Variants in MTG2 observed in about 807,000 individuals in gnomAD.
MTG2 encodes the protein mitochondrial ribosome-associated GTPase 2.
A neutral mutation model predicts 28.6 loss-of-function variants in MTG2; 23 were observed. The observed-to-expected ratio is 0.80, with a 90% CI of 0.58 to 1.14. The LOEUF (loss-of-function observed/expected upper bound fraction) is 1.14. Among genes scored for constraint, MTG2 ranks in the 50% most tolerant of loss-of-function variants. The pLI, the probability that MTG2 is intolerant of heterozygous loss-of-function variation, is 0.00. For synonymous variants in MTG2, 260 were observed against 251.8 expected (o/e 1.03, Z -0.31); for missense variants, 539 against 552.0 (o/e 0.98, Z 0.24).
chr20:62,198,955 G>A (rs1170821548), intron 5 of MTG2, 103 bp downstream of exon 5: 14 of 1,551,912 alleles, frequency 9.0e-6, no homozygotes, highest in South Asian at 2.3e-5. Flanking sequence ...ACAGCTTTGC[G>A]ACTCACCTTT....
At chr20:62,184,209 G>T (rs879899178) in intron 1 of MTG2, among the ~76,000 whole-genome samples, 11 of 152,220 alleles carry the variant, frequency 7.2e-5, no homozygotes, top group South Asian at 4.1e-4. Flanking sequence ...ATACAAAAAA[G>T]TAGCCGGGCG....
intron 4 of MTG2, 107 bp downstream of exon 4, chr20:62,198,074 C>T (rs2058092895): frequency 1.2e-6 from 1 of 839,804 alleles, no homozygotes; most frequent in South Asian, 1.5e-5. Flanking sequence ...ATGCCCACAG[C>T]TAGGAAACAG....
intron 2 of MTG2, among the ~76,000 whole-genome samples, chr20:62,194,902 G>A (rs1427823085): frequency 2.0e-5 from 3 of 152,162 alleles, no homozygotes; most frequent in Admixed American, 2.0e-4. Context: ...GTGACCTACA[G>A]AACAGCTTTC....
At chr20:62,197,667 C>T (rs1487293123) in intron 3 of MTG2, 185 bp from the exon 4 acceptor site, 2 of 576,310 alleles carry the variant, frequency 3.5e-6, no homozygotes, top group Non-Finnish European at 6.1e-6. Flanking sequence ...AATGATAGCA[C>T]TTTTTGAAGG....
At position 62,193,474 on chromosome 20, in the gene MTG2, G is replaced by C. The variant is rs750011003; in HGVS notation, c.54G>C (p.Val18=). 6.2e-7 allele frequency: 1 copy of C among 1,614,078 alleles called. No individual in the cohort carries two copies. Among genetic ancestry groups the C allele is most frequent in the South Asian group, 1.1e-5 (1 of 91,082 alleles). ...SARLRTVFQG[V]GHWALSTWAG... ...GATTGAGGACCGTGTTTCAGGGCGTGGGGCATTGGGCTTTGTCCACATGGG... is the reference window on the plus strand; with the variant it reads ...GATTGAGGACCGTGTTTCAGGGCGTCGGGCATTGGGCTTTGTCCACATGGG... The change falls in exon 2 of 7, where the codon GTG becomes GTC. Residue 18 remains valine, a synonymous_variant. Transcript: ENST00000370823.
chr20:62,195,956 G>T lies in MTG2; in HGVS notation c.352+7G>T. 1 of 1,613,804 alleles carries T rather than the reference G, an allele frequency of 6.2e-7. No homozygotes were observed. Among genetic ancestry groups the T allele is most frequent in the Non-Finnish European group, 8.5e-7 (1 of 1,179,948 alleles). On this transcript the variant is annotated splice_region_variant and intron_variant, in intron 3 of 6. Coordinates refer to ENST00000370823, the MANE Select transcript of MTG2 (RefSeq NM_015666.4). ...GGACACGTCATTCTGAGAGGCAGGT[G>T]CCCTGGGGCAGTGCAGCGGGGTTGA...
chr20:62,185,512 C>T (rs1200872472), intron 1 of MTG2, among the ~76,000 whole-genome samples: 1 of 151,974 alleles, frequency 6.6e-6, no homozygotes, highest in African/African-American at 2.4e-5. Context: ...TGATGGGTGC[C>T]TGTAATCCCA....
chr20:62,195,851 G>C lies in MTG2; in HGVS notation c.254G>C (p.Gly85Ala), dbSNP rs757160073. The C allele has an allele frequency of 6.2e-7, 1 of 1,614,232 alleles. No individual in the cohort carries two copies. The highest frequency in any genetic ancestry group is 8.5e-7 in the Non-Finnish European group (1 of 1,180,044). The change falls in exon 3 of 7, where the codon GGA (glycine) becomes GCA (alanine). Residue 85 changes from glycine (G) to alanine (A), a missense_variant. Gly to Ala is a moderately conservative substitution (Grantham distance 60). Transcript: ENST00000370823. ...YRRVLVCGGN[G>A]GAGASCFHSE... ...AGAGTGCTTGTCTGTGGAGGAAACGGAGGCGCTGGGGCAAGCTGCTTCCAC... is the reference window on the plus strand; with the variant it reads ...AGAGTGCTTGTCTGTGGAGGAAACGCAGGCGCTGGGGCAAGCTGCTTCCAC...
At chr20:62,191,479 C>T (rs113768136) in intron 1 of MTG2, among the ~76,000 whole-genome samples, 1,823 of 152,274 alleles carry the variant, frequency 0.012, 23 homozygotes, top group South Asian at 0.035. Context: ...TACTCTTCTT[C>T]CAGCTTTTCT....
chr20:62,188,708 G>C (rs1194968777), intron 1 of MTG2: 1 of 151,854 alleles, frequency 6.6e-6, no homozygotes, highest in African/African-American at 2.4e-5. Flanking sequence ...CAATGTAAAT[G>C]CTATGTAAAT....
At chr20:62,185,266 G>A (rs1298315202) in intron 1 of MTG2, among the ~76,000 whole-genome samples, 4 of 151,842 alleles carry the variant, frequency 2.6e-5, no homozygotes, top group Non-Finnish European at 5.9e-5. Context: ...ACAAAAATTA[G>A]CTGGGCGTGG....
rs750655289 is a variant in MTG2, at chr20:62,198,838, GCCCACGCCGGAATGGTAGGTGTCC to G, written c.676_687+12del. On this transcript the variant is annotated splice_donor_variant and splice_donor_5th_base_variant and coding_sequence_variant and intron_variant, in exon 5 of 7. Coordinates refer to ENST00000370823, the MANE Select transcript of MTG2 (RefSeq NM_015666.4). LOFTEE classifies it high-confidence loss of function. ...TCTCCACCTGGAGCTCAAGACGGTG[GCCCACGCCGGAATGGTAGGTGTCC>G]CCACTGCCAACAGCATCTGCACACA... is the stretch of plus-strand genomic sequence containing the variant. 25 of 1,614,094 alleles carry G rather than the reference GCCCACGCCGGAATGGTAGGTGTCC, an allele frequency of 1.5e-5. No individual in the cohort carries two copies. The Admixed American group carries it at 3.2e-4, about 20-fold the overall frequency.
intron 1 of MTG2, among the ~76,000 whole-genome samples, chr20:62,184,226 C>G (rs1013009359): frequency 2.6e-5 from 4 of 152,146 alleles, no homozygotes; most frequent in Admixed American, 6.5e-5. Context: ...GGCGTGGTGG[C>G]AGGCGCCTGT....
rs1393131522 is a variant in MTG2, at chr20:62,201,132, A to AT, written c.*57dup. On this transcript the variant is annotated 3_prime_UTR_variant, in exon 7 of 7. Transcript: ENST00000370823. ...TCTGTCTGAGCAAACCTGGGTGTGA[A>AT]TTCGGTGGTTTTGAATGCATAAAGT... 2 of 1,497,862 alleles carry AT rather than the reference A, an allele frequency of 1.3e-6. No individual in the cohort carries two copies. The highest frequency in any genetic ancestry group is 2.8e-5 in the African/African-American group (2 of 71,960). The allele number at this position is 1,497,862 out of a possible 1,614,324, so 92.8% of individuals were successfully genotyped here.
At chr20:62,186,515 G>C (rs1481675141) in intron 1 of MTG2, among the ~76,000 whole-genome samples, 2 of 139,200 alleles carry the variant, frequency 1.4e-5, no homozygotes, top group South Asian at 2.3e-4. Flanking sequence ...CCTTCCCTGG[G>C]ACTTTTTTTT....
At chr20:62,198,967 T>A in intron 5 of MTG2, 115 bp downstream of exon 5, 1 of 1,541,894 alleles carries the variant, frequency 6.5e-7, no homozygotes, top group Non-Finnish European at 8.9e-7. Context: ...CTCACCTTTT[T>A]CCCATCAGTA....
chr20:62,198,524 GCA>G (rs975335417), intron 4 of MTG2, 108 bp from the exon 5 acceptor site: 28 of 1,199,604 alleles, frequency 2.3e-5, no homozygotes, highest in Middle Eastern at 2.7e-4. Context: ...GCTGCCCGGG[GCA>G]CAGTCCGCTC....
At chr20:62,187,670 G>T (rs1289583199) in intron 1 of MTG2, among the ~76,000 whole-genome samples, 1 of 152,198 alleles carries the variant, frequency 6.6e-6, no homozygotes, top group Non-Finnish European at 1.5e-5. Context: ...TGTCTGTAAG[G>T]TGTGTCCTGA....
In MTG2 at chr20:62,190,865, A is replaced by G. The variant is rs939244460; in HGVS notation, c.-5-2551A>G. Among the ~76,000 whole-genome samples the G allele has an allele frequency of 1.8e-4, 28 of 152,150 alleles. 1 individual carries two copies. The highest frequency in any genetic ancestry group is 1.4e-3 in the Admixed American group (22 of 15,278). On this transcript the variant is annotated intron_variant, in intron 1 of 6. Transcript: ENST00000370823. ...CAAAATCAGCTGTCCTGTAAAATATATTTACAGGAAGGGTATCAAGGGGAG... is the reference window on the plus strand; with the variant it reads ...CAAAATCAGCTGTCCTGTAAAATATGTTTACAGGAAGGGTATCAAGGGGAG...
Sources: gnomAD v4.1 joint callset for allele counts (sites outside exome capture counted in the v4.1 genomes callset) on GRCh38, gnomAD v4.1.1 for gene constraint, MANE v1.5 for transcripts, NCBI Gene and HGNC (gene_info 2026-07-23, HGNC 2026-07-21) for gene names.